Variants in NCAM1 observed in about 807,000 individuals in gnomAD.
NCAM1 encodes neural cell adhesion molecule 1, also known as antigen recognized by monoclonal antibody 5.1H11.
NCAM1 carries 14 observed loss-of-function variants against 109.8 expected under a neutral mutation model. The observed-to-expected ratio is 0.13, with a 90% CI of 0.08 to 0.20. The LOEUF is 0.20. Ranked by LOEUF, NCAM1 falls within the 10% of genes least tolerant of loss-of-function variation. The probability of loss-of-function intolerance (pLI) is 1.00; values close to 1 mark genes in which losing one functional copy is unlikely to be tolerated. For missense variants in NCAM1, 774 were observed against 1,109.9 expected (o/e 0.70, Z 4.30); for synonymous variants, 418 against 442.9 (o/e 0.94, Z 0.70).
intron 15 of NCAM1, among the ~76,000 whole-genome samples, chr11:113,251,080 C>T (rs782737212): frequency 6.6e-6 from 1 of 152,216 alleles, no homozygotes; most frequent in Non-Finnish European, 1.5e-5. Context: ...GGATTACAGG[C>T]GTGAGCCATT....
intron 1 of NCAM1, among the ~76,000 whole-genome samples, chr11:113,135,539 G>A (rs1555099235): frequency 1.3e-5 from 2 of 152,164 alleles, no homozygotes; most frequent in Admixed American, 6.5e-5. Flanking sequence ...TGGGTAGGCA[G>A]GGAATTTGCT....
intron 12 of NCAM1, 32 bp downstream of exon 12, chr11:113,232,846 G>A (rs1555117564): frequency 3.2e-6 from 5 of 1,567,300 alleles, no homozygotes; most frequent in Non-Finnish European, 4.4e-6. Context: ...GAGAGCAGCT[G>A]CCACAACCCC....
rs1555101030 is a variant in NCAM1 at position 113,144,606 on chromosome 11, A to T, written c.53-57773A>T. Among the ~76,000 whole-genome samples the T allele has an allele frequency of 2.6e-5, 4 of 152,318 alleles. No homozygotes were observed. In the South Asian group the frequency reaches 6.2e-4, roughly 24 times the overall value. On this transcript the variant is annotated intron_variant, in intron 1 of 19. Coordinates refer to ENST00000316851, the MANE Select transcript of NCAM1 (RefSeq NM_181351.5). ...CAGCAACCTAAGTGAAAAAGAGCTG[A>T]CCCTACTCATTACCCAAGGCAATGT...
chr11:113,079,818 T>C (rs553344875), intron 1 of NCAM1, among the ~76,000 whole-genome samples: 1 of 152,326 alleles, frequency 6.6e-6, no homozygotes, highest in East Asian at 1.9e-4. Flanking sequence ...TTTCCTGTAC[T>C]GGGCAGACAT....
intron 1 of NCAM1, among the ~76,000 whole-genome samples, chr11:113,024,341 C>T (rs116998009): frequency 0.014 from 2,061 of 152,290 alleles, 22 homozygotes; most frequent in Admixed American, 0.029. Context: ...TCCAGTCATA[C>T]ATGTAGTAAG....
At chr11:113,146,467 T>TGG (rs1325531793) in intron 1 of NCAM1, among the ~76,000 whole-genome samples, 2 of 152,240 alleles carry the variant, frequency 1.3e-5, no homozygotes, top group Admixed American at 1.3e-4. Flanking sequence ...AAGTATTGTT[T>TGG]GAACCCAGAA....
At position 113,032,065 on chromosome 11, in the gene NCAM1, G is replaced by A. The variant is rs200388276; in HGVS notation, c.52+70401G>A. 2.6e-5 allele frequency among the ~76,000 whole-genome samples: 4 copies of A among 152,014 alleles called. No individual in the cohort carries two copies. In the East Asian group the frequency reaches 5.8e-4, roughly 22 times the overall value. On this transcript the variant is annotated intron_variant, in intron 1 of 19. Transcript: ENST00000316851. ...CAAGTGATCCTCCTGCCTTAGCCTC[G>A]TGAGTAGCTGGGACCACAGATGTGC... is the stretch of plus-strand genomic sequence containing the variant.
chr11:113,006,889 C>T (rs1006079107), intron 1 of NCAM1, among the ~76,000 whole-genome samples: 3 of 152,058 alleles, frequency 2.0e-5, no homozygotes, highest in Admixed American at 1.3e-4. Flanking sequence ...ACTTTAAGAC[C>T]ATAGCTGTGA....
chr11:113,171,735 G>A (rs1359746078), intron 1 of NCAM1, among the ~76,000 whole-genome samples: 2 of 152,204 alleles, frequency 1.3e-5, no homozygotes, highest in Non-Finnish European at 2.9e-5. Context: ...ATCACTCACT[G>A]TCCAATTGGG....
At chr11:112,984,843 A>G (rs1239852943) in intron 1 of NCAM1, among the ~76,000 whole-genome samples, 1 of 151,822 alleles carries the variant, frequency 6.6e-6, no homozygotes, top group African/African-American at 2.4e-5. Flanking sequence ...CTCCCAACCC[A>G]TAGACTTCCT....
At chr11:113,045,376 G>A (rs551203801) in intron 1 of NCAM1, among the ~76,000 whole-genome samples, 2 of 152,020 alleles carry the variant, frequency 1.3e-5, no homozygotes, top group East Asian at 1.9e-4. Flanking sequence ...GTCAGGCTTC[G>A]GCAGCTCGGC....
chr11:112,967,063 T>C (rs1278309398), intron 1 of NCAM1, among the ~76,000 whole-genome samples: 1 of 152,238 alleles, frequency 6.6e-6, no homozygotes, highest in African/African-American at 2.4e-5. Context: ...ATGGCTGATA[T>C]GATTTAAAAG....
At chr11:113,147,489 G>T (rs546110908) in intron 1 of NCAM1, among the ~76,000 whole-genome samples, 1 of 152,230 alleles carries the variant, frequency 6.6e-6, no homozygotes, top group Non-Finnish European at 1.5e-5. Flanking sequence ...AGAGGGTTCT[G>T]GAGGCTTTGA....
In NCAM1 at chr11:112,995,896, G is replaced by T. The variant is rs76634728; in HGVS notation, c.52+34232G>T. 4.1e-3 allele frequency among the ~76,000 whole-genome samples: 619 copies of T among 152,284 alleles called. 7 individuals carry two copies. The highest frequency in any genetic ancestry group is 0.014 in the African/African-American group (593 of 41,566). On this transcript the variant is annotated intron_variant, in intron 1 of 19. Coordinates refer to ENST00000316851, the MANE Select transcript of NCAM1 (RefSeq NM_181351.5). ...TTGAAGTAATCAATCAACTCTGCCT[G>T]ACTGGATGGGAGTGTGGTGGAGCCT...
chr11:113,043,982 G>T (rs942549442), intron 1 of NCAM1, among the ~76,000 whole-genome samples: 2 of 151,746 alleles, frequency 1.3e-5, no homozygotes, highest in Non-Finnish European at 2.9e-5. Flanking sequence ...ATTTATTCAG[G>T]CTCACTATTT....
intron 1 of NCAM1, among the ~76,000 whole-genome samples, chr11:113,090,076 C>T (rs1939272020): frequency 1.3e-5 from 2 of 152,118 alleles, no homozygotes. Flanking sequence ...TCCAGCTATT[C>T]GTAGATTGTG....
chr11:113,270,053 G>A (rs1276674975), intron 17 of NCAM1, 135 bp from the exon 18 acceptor site: 8 of 798,226 alleles, frequency 1.0e-5, no homozygotes, highest in South Asian at 1.6e-5. Flanking sequence ...AGGTCCCCAG[G>A]AAGGTGTCAC....
chr11:113,101,249 T>C (rs1424407031), intron 1 of NCAM1, among the ~76,000 whole-genome samples: 1 of 152,150 alleles, frequency 6.6e-6, no homozygotes, highest in Admixed American at 6.5e-5. Context: ...TCCTATGGCC[T>C]CCACTATTGT....
intron 7 of NCAM1, among the ~76,000 whole-genome samples, 182 bp from the exon 8 acceptor site, chr11:113,214,187 G>A (rs981033271): frequency 3.9e-5 from 6 of 152,160 alleles, no homozygotes; most frequent in Admixed American, 6.5e-5. Flanking sequence ...TATGGTTTCC[G>A]TGTTGTCACA....
Sources: allele counts gnomAD v4.1 joint callset (sites outside exome capture counted in the v4.1 genomes callset), GRCh38; gene constraint gnomAD v4.1.1; transcripts MANE v1.5; gene names NCBI Gene and HGNC (gene_info 2026-07-23, HGNC 2026-07-21).